NXPH2: variants seen among roughly 807,000 people sequenced by gnomAD.
NXPH2 encodes neurexophilin-2.
Under a neutral mutation model 19.8 loss-of-function variants are expected in NXPH2, and 5 were observed. The observed-to-expected ratio is 0.25, with a 90% CI of 0.13 to 0.53. The LOEUF is 0.53. Among genes scored for constraint, NXPH2 ranks in the 20% least tolerant of loss-of-function variants. The pLI is 0.96. For missense variants in NXPH2, 289 were observed against 322.8 expected, an observed-to-expected ratio of 0.90 and a Z score of 0.80; for synonymous variants, 154 against 127.4, an observed-to-expected ratio of 1.21 and a Z score of -1.41.
chr2:138,752,230 C>T (rs2104834236), intron 1 of NXPH2, among the ~76,000 whole-genome samples: 1 of 152,224 alleles, frequency 6.6e-6, no homozygotes, highest in African/African-American at 2.4e-5. Flanking sequence ...CATCAGACTC[C>T]TTATCCCTAG....
At chr2:138,742,540 G>A (rs901154978) in intron 1 of NXPH2, among the ~76,000 whole-genome samples, 3 of 152,130 alleles carry the variant, frequency 2.0e-5, no homozygotes, top group Non-Finnish European at 2.9e-5. Context: ...ACCCTGGTAT[G>A]ACTGTGGAGT....
rs368758644 is a variant in NXPH2, at chr2:138,684,737, G to T, written c.52-13072C>A. Among the ~76,000 whole-genome samples the T allele has an allele frequency of 1.2e-3, 183 of 152,290 alleles. 1 individual carries two copies. Among genetic ancestry groups the T allele is most frequent in the African/African-American group, 4.2e-3 (176 of 41,570 alleles). ...TGTTCCGGGCAGGAGCAAGCTCATT[G>T]TCCTCTGGACTTGCTGGGGTGGCTG... On this transcript the variant is annotated intron_variant, in intron 1 of 1. Coordinates refer to ENST00000272641, the MANE Select transcript of NXPH2 (RefSeq NM_007226.3).
chr2:138,707,062 T>C (rs1251659398), intron 1 of NXPH2, among the ~76,000 whole-genome samples: 1 of 121,038 alleles, frequency 8.3e-6, no homozygotes, highest in Admixed American at 1.0e-4. Context: ...TTTAGATTGA[T>C]TGGAAGATGA....
intron 1 of NXPH2, among the ~76,000 whole-genome samples, chr2:138,711,805 C>T (rs1434940893): frequency 6.6e-6 from 1 of 152,286 alleles, no homozygotes; most frequent in Non-Finnish European, 1.5e-5. Flanking sequence ...TTCTCATTTA[C>T]ACCGTTCTTT....
At chr2:138,687,266 C>A (rs1680673025) in intron 1 of NXPH2, among the ~76,000 whole-genome samples, 1 of 152,160 alleles carries the variant, frequency 6.6e-6, no homozygotes, top group Non-Finnish European at 1.5e-5. Context: ...GAGATGGTAT[C>A]TCATTGTGGT....
At chr2:138,674,861 T>C (rs1680462499) in intron 1 of NXPH2, among the ~76,000 whole-genome samples, 1 of 152,182 alleles carries the variant, frequency 6.6e-6, no homozygotes, top group South Asian at 2.1e-4. Context: ...TTCCAGTATT[T>C]AATGAGATTC....
chr2:138,723,714 C>T (rs772235432), intron 1 of NXPH2, among the ~76,000 whole-genome samples: 3 of 152,114 alleles, frequency 2.0e-5, no homozygotes, highest in African/African-American at 7.2e-5. Flanking sequence ...TCATTATTTC[C>T]GCTTCTCAGA....
At chr2:138,711,145 C>CTTTTTTTTTTTTTTTTTTTTTTTTTTTT (rs397766605) in intron 1 of NXPH2, among the ~76,000 whole-genome samples, 1 of 91,066 alleles carries the variant, frequency 1.1e-5, no homozygotes, top group Non-Finnish European at 2.0e-5. Context: ...ATTTCTATCA[C>CTTTTTTTTTTTTTTTTTTTTTTTTTTTT]TTTTTTTTTT....
At chr2:138,736,878 A>G (rs961219587) in intron 1 of NXPH2, among the ~76,000 whole-genome samples, 8 of 152,222 alleles carry the variant, frequency 5.3e-5, no homozygotes, top group South Asian at 2.1e-4. Context: ...ACAAATCTCT[A>G]TGGCAGGGGC....
intron 1 of NXPH2, among the ~76,000 whole-genome samples, chr2:138,768,440 T>C (rs572169011): frequency 1.3e-5 from 2 of 152,324 alleles, no homozygotes; most frequent in Admixed American, 6.5e-5. Context: ...GAACTCTTCA[T>C]CAAAGTGCCC....
At chr2:138,700,216 T>C (rs917853677) in intron 1 of NXPH2, among the ~76,000 whole-genome samples, 1 of 152,220 alleles carries the variant, frequency 6.6e-6, no homozygotes. Flanking sequence ...TAGCCCATTT[T>C]AATCCAGCAT....
intron 1 of NXPH2, among the ~76,000 whole-genome samples, chr2:138,767,504 T>C (rs1682109796): frequency 6.6e-6 from 1 of 152,242 alleles, no homozygotes; most frequent in Admixed American, 6.5e-5. Flanking sequence ...TGCAGGTTTG[T>C]TACATAGGTA....
At chr2:138,747,660 C>T (rs1379457054) in intron 1 of NXPH2, among the ~76,000 whole-genome samples, 1 of 152,134 alleles carries the variant, frequency 6.6e-6, no homozygotes, top group Non-Finnish European at 1.5e-5. Flanking sequence ...TGGTAGTGTA[C>T]TTTAGGATCT....
intron 1 of NXPH2, among the ~76,000 whole-genome samples, chr2:138,672,444 G>A (rs867879068): frequency 3.9e-5 from 6 of 152,106 alleles, no homozygotes; most frequent in South Asian, 2.1e-4. Flanking sequence ...CATAGCCACC[G>A]AAACGTAAGA....
chr2:138,777,678 T>C (rs1056488158), intron 1 of NXPH2, among the ~76,000 whole-genome samples: 1 of 151,748 alleles, frequency 6.6e-6, no homozygotes, highest in Non-Finnish European at 1.5e-5. Flanking sequence ...AATTTTCATA[T>C]CACTAAATGT....
At chr2:138,684,439 T>C (rs1680619233) in intron 1 of NXPH2, among the ~76,000 whole-genome samples, 1 of 151,626 alleles carries the variant, frequency 6.6e-6, no homozygotes, top group Admixed American at 6.6e-5. Flanking sequence ...AAAATTAAAG[T>C]CTGATAACTG....
intron 1 of NXPH2, among the ~76,000 whole-genome samples, chr2:138,733,452 G>A (rs973323970): frequency 6.6e-6 from 1 of 152,140 alleles, no homozygotes; most frequent in Non-Finnish European, 1.5e-5. Context: ...TCAAAACTGG[G>A]AAAGATAGTT....
intron 1 of NXPH2, among the ~76,000 whole-genome samples, chr2:138,683,927 T>A (rs1680612303): frequency 6.6e-6 from 1 of 152,238 alleles, no homozygotes; most frequent in Non-Finnish European, 1.5e-5. Context: ...TACATAAATA[T>A]GCTACTTCAT....
intron 1 of NXPH2, among the ~76,000 whole-genome samples, chr2:138,741,336 A>G (rs1442317517): frequency 1.3e-5 from 2 of 152,306 alleles, no homozygotes; most frequent in African/African-American, 4.8e-5. Context: ...ACACTTATTC[A>G]TTCAGCCACT....
Sources: gnomAD v4.1 joint callset for allele counts (sites outside exome capture counted in the v4.1 genomes callset) on GRCh38, gnomAD v4.1.1 for gene constraint, MANE v1.5 for transcripts, NCBI Gene and HGNC (gene_info 2026-07-23, HGNC 2026-07-21) for gene names.